The following TMTC4 variants were observed in gnomAD, a reference collection of about 807,000 sequenced individuals.
The protein encoded by TMTC4 is transmembrane O-mannosyltransferase targeting cadherins 4, also known as protein O-mannosyl-transferase TMTC4.
A neutral mutation model predicts 86.0 loss-of-function variants in TMTC4; 65 were observed. The ratio of observed to expected loss-of-function variants is 0.76; its 90% CI spans 0.62 to 0.93. The LOEUF (loss-of-function observed/expected upper bound fraction) is 0.93. Ranked by LOEUF, TMTC4 falls within the 40% of genes least tolerant of loss-of-function variation. TMTC4 has a pLI of 0.00. For synonymous variants in TMTC4, 379 were observed against 382.5 expected, an observed-to-expected ratio of 0.99 and a Z score of 0.11; for missense variants, 866 against 948.1, an observed-to-expected ratio of 0.91 and a Z score of 1.14.
chr13:100,674,842 C>A, upstream of TMTC4: 1 of 974,402 alleles, frequency 1.0e-6, no homozygotes, highest in Non-Finnish European at 1.2e-6. Flanking sequence ...AGGGGCCGCC[C>A]GCCGCGCACC....
chr13:100,663,051 G>A lies in TMTC4; in HGVS notation c.465C>T (p.Thr155=), dbSNP rs779312466. Residue 155 remains threonine, a synonymous_variant, in exon 5 of 19, where the codon ACC becomes ACT. Transcript: ENST00000342624. ...FSVLFGGLQY[T]SKGRRLHLAP... is the part of the protein sequence containing the mutation. ...CGAGGTGCAGCCTCCGGCCTTTACT[G>A]GTGTACTGCAGGCCGCCAAACAGAA... 6.2e-7 allele frequency: 1 copy of A among 1,614,226 alleles called. No homozygotes were observed. The highest frequency in any genetic ancestry group is 8.5e-7 in the Non-Finnish European group (1 of 1,180,038).
At chr13:100,613,364 A>T (rs1261784571) in intron 16 of TMTC4, among the ~76,000 whole-genome samples, 7 of 152,180 alleles carry the variant, frequency 4.6e-5, no homozygotes, top group Admixed American at 3.9e-4. Flanking sequence ...CATTTCTTAA[A>T]AGACGTTTGG....
At position 100,636,722 on chromosome 13, in the gene TMTC4, T is replaced by G. The variant is rs777090736; in HGVS notation, c.1012A>C (p.Asn338His). ...CAGGCATTCAATGAATAGTAGTAAT[T>G]GTAGTTTACGGCCTGCCAGTCAAAA... ...DSMLVRAVNYNYYYSLNAWLL... is the reference protein window; with the variant it reads ...DSMLVRAVNYHYYYSLNAWLL... The change falls in exon 10 of 19, where the codon AAT (asparagine) becomes CAT (histidine). Residue 338 changes from asparagine (N) to histidine (H), a missense_variant. Asn to His is a moderately conservative substitution (Grantham distance 68, BLOSUM62 1). Coordinates refer to ENST00000342624, the MANE Select transcript of TMTC4 (RefSeq NM_032813.5). 8.7e-6 allele frequency: 14 copies of G among 1,613,958 alleles called. No individual in the cohort carries two copies. The highest frequency in any genetic ancestry group is 8.5e-6 in the Non-Finnish European group (10 of 1,179,970).
chr13:100,674,344 G>C, intron 1 of TMTC4: 1 of 978,566 alleles, frequency 1.0e-6, no homozygotes, highest in Non-Finnish European at 1.2e-6. Context: ...GCCAGGCGCG[G>C]GGCCCCGCGG....
chr13:100,625,358 G>A (rs1880304537), intron 15 of TMTC4, 177 bp downstream of exon 15: 2 of 854,222 alleles, frequency 2.3e-6, no homozygotes, highest in Non-Finnish European at 1.8e-6. Context: ...GCTCTCTAAT[G>A]AGAGCTTTAA....
chr13:100,637,426 T>G, intron 9 of TMTC4, 112 bp downstream of exon 9: 2 of 1,347,536 alleles, frequency 1.5e-6, no homozygotes, highest in Non-Finnish European at 1.0e-6. Context: ...GTGGCGCGTG[T>G]ATTGGGGATT....
intron 15 of TMTC4, among the ~76,000 whole-genome samples, chr13:100,621,715 G>A (rs764323957): frequency 2.4e-4 from 37 of 152,280 alleles, no homozygotes; most frequent in Non-Finnish European, 4.7e-4. Context: ...GTGAGCCACC[G>A]CGCCCAACCA....
At chr13:100,673,450 A>G (rs1296323224) in intron 1 of TMTC4, among the ~76,000 whole-genome samples, 2 of 152,156 alleles carry the variant, frequency 1.3e-5, no homozygotes, top group Non-Finnish European at 2.9e-5. Flanking sequence ...CAGCCATCCT[A>G]TGCACGCTGA....
chr13:100,634,637 A>C (rs1019379508), intron 12 of TMTC4, among the ~76,000 whole-genome samples, 168 bp downstream of exon 12: 17 of 152,018 alleles, frequency 1.1e-4, no homozygotes, highest in African/African-American at 3.9e-4. Flanking sequence ...AATTTTAATG[A>C]ATCTTATCAA....
Position 100,624,199 on chromosome 13 carries a change from G to C in TMTC4, c.1836+1336C>G, listed in dbSNP as rs556078254. 4.2e-3 allele frequency among the ~76,000 whole-genome samples: 636 copies of C among 151,932 alleles called. 7 individuals carry two copies. Among genetic ancestry groups the C allele is most frequent in the African/African-American group, 0.015 (618 of 41,420 alleles). On this transcript the variant is annotated intron_variant, in intron 15 of 18. Coordinates refer to ENST00000342624, the MANE Select transcript of TMTC4 (RefSeq NM_032813.5). Reference sequence around the variant, plus strand: ...ACATTAGCCAGGCATGGTGGCGGGCGCCTATAGTCCCAGCTACTCCGGAGG... The same window carrying C: ...ACATTAGCCAGGCATGGTGGCGGGCCCCTATAGTCCCAGCTACTCCGGAGG...
At chr13:100,646,604 A>G (rs1345051592) in intron 6 of TMTC4, among the ~76,000 whole-genome samples, 1 of 152,152 alleles carries the variant, frequency 6.6e-6, no homozygotes, top group Admixed American at 6.5e-5. Context: ...CTGTCTCCCT[A>G]AACTTCAGGT....
chr13:100,617,172 G>C (rs544554654), intron 15 of TMTC4, among the ~76,000 whole-genome samples: 7 of 152,130 alleles, frequency 4.6e-5, no homozygotes, highest in African/African-American at 1.7e-4. Context: ...CGCCCAGGCG[G>C]GAGCGCAGTG....
At chr13:100,642,060 A>C (rs139648397) in intron 7 of TMTC4, 151 bp downstream of exon 7, 1 of 667,664 alleles carries the variant, frequency 1.5e-6, no homozygotes, top group East Asian at 2.6e-5. Flanking sequence ...TGACAGCGAA[A>C]GCCATTTGTC....
rs866865523 is a variant in TMTC4, at chr13:100,617,125, G to C, written c.1837-2695C>G. Among the ~76,000 whole-genome samples, 8 of 136,716 alleles carry C rather than the reference G, an allele frequency of 5.9e-5. No individual in the cohort carries two copies. In the South Asian group the frequency reaches 1.7e-3, roughly 29 times the overall value. The allele number at this position is 136,716 out of a possible 152,430, so 89.7% of individuals were successfully genotyped here. A position where few individuals can be genotyped will look rare whatever the true frequency, so the allele number is the denominator to read the frequency against. On this transcript the variant is annotated intron_variant, in intron 15 of 18. Transcript: ENST00000342624. ...ATAGTGTTTCCTAGGTTTTCTTCTA[G>C]GATTTTTTTTTTTTTAAAGACAGGG...
chr13:100,628,225 C>A lies in TMTC4; in HGVS notation c.1507-2075G>T, dbSNP rs1880835740. Among the ~76,000 whole-genome samples, 4 of 152,218 alleles carry A rather than the reference C, an allele frequency of 2.6e-5. No homozygotes were observed. In the South Asian group the frequency reaches 8.3e-4, roughly 32 times the overall value. On this transcript the variant is annotated intron_variant, in intron 12 of 18. Coordinates refer to ENST00000342624, the MANE Select transcript of TMTC4 (RefSeq NM_032813.5). ...CATTCTCACCTCCACCAGACCCTGGCAACCTCCATTCATTTTCCGTCTCTA... is the reference window on the plus strand; with the variant it reads ...CATTCTCACCTCCACCAGACCCTGGAAACCTCCATTCATTTTCCGTCTCTA...
intron 6 of TMTC4, among the ~76,000 whole-genome samples, chr13:100,651,474 G>C (rs557484752): frequency 8.2e-6 from 1 of 121,652 alleles, no homozygotes; most frequent in Non-Finnish European, 1.6e-5. Context: ...CAAAGATCTT[G>C]CTAGATGTTC....
intron 6 of TMTC4, among the ~76,000 whole-genome samples, chr13:100,651,296 A>G (rs532120780): frequency 2.0e-5 from 3 of 152,322 alleles, no homozygotes; most frequent in African/African-American, 7.2e-5. Context: ...AGAGAGATGT[A>G]AATACAAGAT....
intron 15 of TMTC4, among the ~76,000 whole-genome samples, chr13:100,621,461 C>T (rs907674911): frequency 1.3e-5 from 2 of 152,026 alleles, no homozygotes; most frequent in Non-Finnish European, 2.9e-5. Context: ...AGTCTTGCTC[C>T]GTCGCCCAGG....
chr13:100,666,062 G>A (rs148229802), intron 3 of TMTC4: 156 of 456,600 alleles, frequency 3.4e-4, no homozygotes, highest in African/African-American at 2.9e-3. Flanking sequence ...GAACACCAAC[G>A]AGGTTCTAAA....
Sources: allele counts gnomAD v4.1 joint callset (sites outside exome capture counted in the v4.1 genomes callset), GRCh38; gene constraint gnomAD v4.1.1; transcripts MANE v1.5; gene names NCBI Gene and HGNC (gene_info 2026-07-23, HGNC 2026-07-21).